Variants in SNX9 observed in about 807,000 individuals in gnomAD.
SNX9 encodes the protein sorting nexin-9.
SNX9 carries 44 observed loss-of-function variants against 89.4 expected under a neutral mutation model. That is an observed-to-expected ratio of 0.49 (90% confidence interval 0.39 to 0.63). The LOEUF (loss-of-function observed/expected upper bound fraction) is 0.63, where lower values mean the gene tolerates loss of function less well. SNX9 is among the 30% of genes least tolerant of loss of function. The pLI is 0.00. For synonymous variants in SNX9, 236 were observed against 247.8 expected (o/e 0.95, Z 0.45); for missense variants, 578 against 736.1 (o/e 0.79, Z 2.49).
At chr6:157,894,397 A>AC in intron 4 of SNX9, among the ~76,000 whole-genome samples, 1 of 147,730 alleles carries the variant, frequency 6.8e-6, no homozygotes, top group South Asian at 2.1e-4. Flanking sequence ...GGCATGAGCC[A>AC]CTGTGCCCGG....
At chr6:157,840,640 T>C (rs1390915636) in intron 1 of SNX9, among the ~76,000 whole-genome samples, 1 of 152,196 alleles carries the variant, frequency 6.6e-6, no homozygotes, top group Non-Finnish European at 1.5e-5. Flanking sequence ...TTGTATCTTA[T>C]TAAAGCCACA....
intron 5 of SNX9, among the ~76,000 whole-genome samples, chr6:157,898,782 C>G (rs969725313): frequency 6.6e-6 from 1 of 152,178 alleles, no homozygotes. Context: ...AATGTCTGTT[C>G]TAAACAGCAA....
chr6:157,844,287 A>G (rs748756588), intron 1 of SNX9, among the ~76,000 whole-genome samples: 11 of 152,294 alleles, frequency 7.2e-5, no homozygotes, highest in Non-Finnish European at 1.0e-4. Context: ...CAGTCTACCC[A>G]TAGAGTTTTT....
At chr6:157,933,270 G>A (rs1325596608) in intron 13 of SNX9, among the ~76,000 whole-genome samples, 5 of 152,050 alleles carry the variant, frequency 3.3e-5, no homozygotes, top group Admixed American at 2.6e-4. Flanking sequence ...CTCCAATATG[G>A]GCAACAGAGT....
chr6:157,899,466 T>C (rs1305477837), intron 5 of SNX9, among the ~76,000 whole-genome samples: 1 of 152,164 alleles, frequency 6.6e-6, no homozygotes, highest in Non-Finnish European at 1.5e-5. Context: ...TTATCTGAAG[T>C]GATGTGGACT....
chr6:157,896,838 C>T lies in SNX9; in HGVS notation c.312C>T (p.Gly104=). ...ACCCCTCTCAATAGGTTGGCAGTGGCAATGACCCCTGGTCAGCCTGGAGTG... is the reference window on the plus strand; with the variant it reads ...ACCCCTCTCAATAGGTTGGCAGTGGTAATGACCCCTGGTCAGCCTGGAGTG... ...AASNNHQVGS[G]NDPWSAWSAS... is the part of the protein sequence containing the mutation. Residue 104 remains glycine, a synonymous_variant, in exon 5 of 18, where the codon GGC becomes GGT. Transcript: ENST00000392185. The T allele has an allele frequency of 6.2e-7, 1 of 1,612,446 alleles. No homozygotes were observed. The highest frequency in any genetic ancestry group is 8.5e-7 in the Non-Finnish European group (1 of 1,179,618).
chr6:157,861,716 A>G (rs1425471806), intron 1 of SNX9, among the ~76,000 whole-genome samples: 1 of 152,228 alleles, frequency 6.6e-6, no homozygotes, highest in Non-Finnish European at 1.5e-5. Flanking sequence ...AACCAAGGAT[A>G]ATACCAAACC....
intron 6 of SNX9, among the ~76,000 whole-genome samples, chr6:157,904,325 T>C (rs1368372035): frequency 6.6e-6 from 1 of 152,032 alleles, no homozygotes; most frequent in African/African-American, 2.4e-5. Flanking sequence ...TCCTAGCTAC[T>C]TGGAAGGCTC....
chr6:157,903,442 A>G (rs914437993), intron 6 of SNX9, among the ~76,000 whole-genome samples: 4 of 152,106 alleles, frequency 2.6e-5, no homozygotes, highest in African/African-American at 9.7e-5. Flanking sequence ...TTCCTGCTCA[A>G]TTGCATGCAT....
At chr6:157,834,768 C>T (rs988676273) in intron 1 of SNX9, among the ~76,000 whole-genome samples, 18 of 152,118 alleles carry the variant, frequency 1.2e-4, no homozygotes, top group Non-Finnish European at 1.6e-4. Flanking sequence ...GGTGATGTGA[C>T]GTTCAACCTG....
chr6:157,918,078 A>G (rs1374169407), intron 9 of SNX9, among the ~76,000 whole-genome samples: 3 of 152,158 alleles, frequency 2.0e-5, no homozygotes, highest in Non-Finnish European at 2.9e-5. Flanking sequence ...CTTCAAAAGA[A>G]TATGTGTCTG....
chr6:157,927,254 A>C (rs1583242478), intron 11 of SNX9, 40 bp downstream of exon 11: 1 of 1,421,286 alleles, frequency 7.0e-7, no homozygotes. Context: ...CTCAATCCGC[A>C]CCCTCCTCCT....
chr6:157,867,375 C>A (rs995520449), intron 1 of SNX9, among the ~76,000 whole-genome samples, 172 bp from the exon 2 acceptor site: 3 of 152,224 alleles, frequency 2.0e-5, no homozygotes, highest in Admixed American at 1.3e-4. Context: ...TGTTATTCTT[C>A]CTCAGAGTAG....
chr6:157,852,343 T>C (rs888697665), intron 1 of SNX9, among the ~76,000 whole-genome samples: 4 of 152,242 alleles, frequency 2.6e-5, no homozygotes, highest in Non-Finnish European at 4.4e-5. Flanking sequence ...ATGAAATGTC[T>C]GATTACTGGA....
At chr6:157,900,519 CG>C (rs1200650577) in intron 5 of SNX9, among the ~76,000 whole-genome samples, 9 of 151,892 alleles carry the variant, frequency 5.9e-5, no homozygotes, top group Admixed American at 6.6e-5. Flanking sequence ...AAGCTGGGTC[CG>C]GGGGGGTCAC....
chr6:157,933,678 A>G (rs895063861), intron 13 of SNX9, among the ~76,000 whole-genome samples: 2 of 152,114 alleles, frequency 1.3e-5, no homozygotes, highest in African/African-American at 4.8e-5. Context: ...CTTAGGGAGG[A>G]GGCAGAGGTC....
chr6:157,912,382 C>T (rs1187944262), intron 9 of SNX9, among the ~76,000 whole-genome samples: 3 of 152,012 alleles, frequency 2.0e-5, no homozygotes, highest in Non-Finnish European at 4.4e-5. Flanking sequence ...TTTAAAGCTT[C>T]AGAGAGTCAC....
At chr6:157,919,755 A>G (rs1054418770) in intron 9 of SNX9, among the ~76,000 whole-genome samples, 2 of 151,844 alleles carry the variant, frequency 1.3e-5, no homozygotes, top group African/African-American at 2.4e-5. Flanking sequence ...TTTTTTTCTC[A>G]GTATGGTTCA....
At position 157,923,673 on chromosome 6, in the gene SNX9, G is replaced by A. The variant is rs1431687130; in HGVS notation, c.1080+2012G>A. On this transcript the variant is annotated intron_variant, in intron 10 of 17. Coordinates refer to ENST00000392185, the MANE Select transcript of SNX9 (RefSeq NM_016224.5). ...CTCTTGGAAAATAATGAAATAGGAG[G>A]AGGACTTTATTGCGTATCAGAACTC... 2.0e-5 allele frequency among the ~76,000 whole-genome samples: 3 copies of A among 152,174 alleles called. No individual in the cohort carries two copies. The South Asian group carries it at 6.2e-4, about 32-fold the overall frequency.
Sources: gnomAD v4.1 joint callset for allele counts (sites outside exome capture counted in the v4.1 genomes callset) on GRCh38, gnomAD v4.1.1 for gene constraint, MANE v1.5 for transcripts, NCBI Gene and HGNC (gene_info 2026-07-23, HGNC 2026-07-21) for gene names.